TRPS1: variants seen among roughly 807,000 people sequenced by gnomAD.
TRPS1 encodes transcriptional repressor GATA binding 1, also known as zinc finger transcription factor Trps1.
TRPS1 carries 6 observed loss-of-function variants against 101.2 expected under a neutral mutation model. The ratio of observed to expected loss-of-function variants is 0.06; its 90% confidence interval spans 0.03 to 0.12. The LOEUF is 0.12. Among genes scored for constraint, TRPS1 ranks in the 10% least tolerant of loss-of-function variants. The pLI is 1.00. For missense variants in TRPS1, 1,363 were observed against 1,567.0 expected (o/e 0.87, Z 2.20); for synonymous variants, 578 against 589.8 (o/e 0.98, Z 0.29).
At chr8:115,656,872 C>T (rs1038360661) in intron 1 of TRPS1, among the ~76,000 whole-genome samples, 1 of 151,902 alleles carries the variant, frequency 6.6e-6, no homozygotes, top group Non-Finnish European at 1.5e-5. Context: ...AATAAGAAAA[C>T]CCCGAAAAGA....
chr8:115,458,626 G>T (rs1002130877), intron 5 of TRPS1, among the ~76,000 whole-genome samples: 5 of 152,162 alleles, frequency 3.3e-5, no homozygotes, highest in Admixed American at 2.6e-4. Context: ...AGATGTGACT[G>T]AGAACAAGTG....
At chr8:115,667,160 T>A (rs1056375402) in intron 1 of TRPS1, among the ~76,000 whole-genome samples, 1 of 152,262 alleles carries the variant, frequency 6.6e-6, no homozygotes, top group East Asian at 1.9e-4. Flanking sequence ...AAGTCCAAGA[T>A]TCCCTCTGAA....
At chr8:115,489,904 A>G (rs16887489) in intron 5 of TRPS1, among the ~76,000 whole-genome samples, 5,560 of 152,180 alleles carry the variant, frequency 0.037, 381 homozygotes, top group African/African-American at 0.13. Flanking sequence ...AATACTTTTA[A>G]CATGCCAATT....
In TRPS1 at chr8:115,410,740, T is replaced by A. The variant is rs773125368; in HGVS notation, c.*3283A>T. 1 of 152,510 alleles carries A rather than the reference T, an allele frequency of 6.6e-6. No individual in the cohort carries two copies. The highest frequency in any genetic ancestry group is 1.5e-5 in the Non-Finnish European group (1 of 68,004). 9.4% of individuals were successfully genotyped at this position (152,510 alleles called of 1,614,324 possible). On this transcript the variant is annotated 3_prime_UTR_variant, in exon 7 of 7. Transcript: ENST00000395715. ...GAGAACGCATGAGCTGGTCCTGGCC[T>A]AAAGTTTGATCCAAAGCTCAATTTA...
intron 5 of TRPS1, among the ~76,000 whole-genome samples, chr8:115,536,522 C>CAA (rs752895683): frequency 0.029 from 3,015 of 102,850 alleles, 131 homozygotes; most frequent in Non-Finnish European, 0.039. Context: ...GACTCCGTCT[C>CAA]AAAAAAAAAA....
At chr8:115,487,288 T>C (rs1324008308) in intron 5 of TRPS1, among the ~76,000 whole-genome samples, 1 of 152,126 alleles carries the variant, frequency 6.6e-6, no homozygotes, top group Non-Finnish European at 1.5e-5. Flanking sequence ...AAAAGATCAC[T>C]GCTCATTGAC....
Position 115,560,942 on chromosome 8 carries a change from G to A in TRPS1, c.2700+26059C>T, listed in dbSNP as rs141500843. 5.9e-5 allele frequency among the ~76,000 whole-genome samples: 9 copies of A among 152,168 alleles called. No homozygotes were observed. In the East Asian group the frequency reaches 7.7e-4, roughly 13 times the overall value. ...TAACTCTGCTTATTATGATTTTAAC[G>A]TTAACATTCTCCTACCTCATTACCT... On this transcript the variant is annotated intron_variant, in intron 5 of 6. Transcript: ENST00000395715.
chr8:115,560,399 T>C (rs1586403160), intron 5 of TRPS1, among the ~76,000 whole-genome samples: 1 of 152,216 alleles, frequency 6.6e-6, no homozygotes, highest in Non-Finnish European at 1.5e-5. Flanking sequence ...CAAAGACTGT[T>C]TTCATAAAAT....
chr8:115,664,903 C>T (rs536821634), intron 1 of TRPS1, among the ~76,000 whole-genome samples: 2 of 152,272 alleles, frequency 1.3e-5, no homozygotes, highest in East Asian at 1.9e-4. Context: ...CTTCATTTTA[C>T]ACACCAGAGA....
intron 5 of TRPS1, among the ~76,000 whole-genome samples, chr8:115,482,128 G>A (rs1467930973): frequency 6.6e-6 from 1 of 152,098 alleles, no homozygotes; most frequent in African/African-American, 2.4e-5. Context: ...GATCTATTTT[G>A]GTGAACCATT....
intron 1 of TRPS1, among the ~76,000 whole-genome samples, chr8:115,630,265 C>T (rs564609917): frequency 1.2e-4 from 18 of 151,976 alleles, no homozygotes; most frequent in African/African-American, 3.6e-4. Context: ...CTACAGAATT[C>T]GGGCAGAAAT....
chr8:115,490,355 C>T (rs1814991350), intron 5 of TRPS1, among the ~76,000 whole-genome samples: 1 of 151,958 alleles, frequency 6.6e-6, no homozygotes, highest in Non-Finnish European at 1.5e-5. Flanking sequence ...GTTAATTATG[C>T]CATTATATGT....
intron 5 of TRPS1, among the ~76,000 whole-genome samples, chr8:115,470,894 T>G (rs187960990): frequency 6.0e-4 from 91 of 152,328 alleles, no homozygotes; most frequent in African/African-American, 2.1e-3. Context: ...TAGATGGAGT[T>G]GATATTTAGT....
chr8:115,471,489 T>G (rs1448677947), intron 5 of TRPS1, among the ~76,000 whole-genome samples: 1 of 152,122 alleles, frequency 6.6e-6, no homozygotes, highest in Non-Finnish European at 1.5e-5. Context: ...ATGGGAAGTA[T>G]AATTCAAAAT....
chr8:115,536,172 C>A (rs1206958620), intron 5 of TRPS1, among the ~76,000 whole-genome samples: 1 of 152,038 alleles, frequency 6.6e-6, no homozygotes, highest in Non-Finnish European at 1.5e-5. Flanking sequence ...TAATGTAATT[C>A]ATTTAATCCT....
chr8:115,449,107 A>G (rs1019946164), intron 5 of TRPS1, among the ~76,000 whole-genome samples: 7 of 152,232 alleles, frequency 4.6e-5, no homozygotes, highest in Admixed American at 3.9e-4. Context: ...ATTTGATTAT[A>G]TTAGTCACAA....
intron 1 of TRPS1, chr8:115,668,241 G>GAAGA (rs997217642): frequency 3.1e-5 from 9 of 289,584 alleles, no homozygotes; most frequent in African/African-American, 1.8e-4. Context: ...GAGCAGAAGA[G>GAAGA]AAGAAAGAAA....
At chr8:115,535,362 CATAT>C (rs1378968509) in intron 5 of TRPS1, among the ~76,000 whole-genome samples, 1 of 131,328 alleles carries the variant, frequency 7.6e-6, no homozygotes, top group Admixed American at 8.6e-5. Context: ...ATACATAGCA[CATAT>C]ATATAGCATA....
chr8:115,535,084 C>A, intron 5 of TRPS1, among the ~76,000 whole-genome samples: 1 of 144,530 alleles, frequency 6.9e-6, no homozygotes. Context: ...ATATATATAG[C>A]ATATATATCG....
Sources: allele counts gnomAD v4.1 joint callset (sites outside exome capture counted in the v4.1 genomes callset), GRCh38; gene constraint gnomAD v4.1.1; transcripts MANE v1.5; gene names NCBI Gene and HGNC (gene_info 2026-07-23, HGNC 2026-07-21).